UGT1A8: variants seen among roughly 807,000 people sequenced by gnomAD.
UGT1A8 encodes UDP-glucuronosyltransferase 1A8.
UGT1A8 carries 39 observed loss-of-function variants against 45.3 expected under a neutral mutation model. The observed-to-expected ratio is 0.86, with a 90% CI of 0.67 to 1.12. The LOEUF (loss-of-function observed/expected upper bound fraction) is 1.12. Among genes scored for constraint, UGT1A8 ranks in the 50% most tolerant of loss-of-function variants. UGT1A8 has a pLI of 0.00. For synonymous variants in UGT1A8, 275 were observed against 249.2 expected (o/e 1.10, Z -0.97); for missense variants, 719 against 664.9 (o/e 1.08, Z -0.90).
chr2:233,690,590 A>G (rs1355612466), intron 1 of UGT1A8: 10 of 1,004,022 alleles, frequency 1.0e-5, no homozygotes, highest in East Asian at 7.1e-5. Flanking sequence ...ATCCCTGAGA[A>G]AAAAAAAAAA....
chr2:233,636,804 C>G, intron 1 of UGT1A8: 1 of 1,614,148 alleles, frequency 6.2e-7, no homozygotes, highest in Non-Finnish European at 8.5e-7. Flanking sequence ...TGGTTTTCGC[C>G]CATGCTCAAT....
chr2:233,729,976 A>T (rs201645683), intron 1 of UGT1A8: 1 of 1,614,046 alleles, frequency 6.2e-7, no homozygotes, highest in South Asian at 1.1e-5. Context: ...CTGTGCCAAC[A>T]GGAAGCCACT....
intron 1 of UGT1A8, among the ~76,000 whole-genome samples, chr2:233,662,138 C>G (rs1431175822): frequency 2.0e-5 from 3 of 152,128 alleles, no homozygotes; most frequent in South Asian, 4.1e-4. Flanking sequence ...TTACTTTTCT[C>G]TTGACTACAA....
chr2:233,632,399 GCATT>G (rs1439558028), intron 1 of UGT1A8, among the ~76,000 whole-genome samples: 2 of 152,128 alleles, frequency 1.3e-5, no homozygotes, highest in Admixed American at 6.6e-5. Context: ...GATGTGGATA[GCATT>G]CAATCTATAA....
intron 1 of UGT1A8, among the ~76,000 whole-genome samples, chr2:233,711,768 A>T (rs138965845): frequency 6.6e-6 from 1 of 152,336 alleles, no homozygotes; most frequent in Non-Finnish European, 1.5e-5. Context: ...AGAGGAAGTG[A>T]GATAGAAAGT....
At position 233,684,025 on chromosome 2, in the gene UGT1A8, T is replaced by C. The variant is rs28898569; in HGVS notation, c.855+65463T>C. On this transcript the variant is annotated intron_variant, in intron 1 of 4. Coordinates refer to ENST00000373450, the MANE Select transcript of UGT1A8 (RefSeq NM_019076.5). Reference sequence around the variant, plus strand: ...AAGAGTAAGATTCTTGGCAAATGCATAGTTGCTAAATCCAGGTGAAACACC... The same window carrying C: ...AAGAGTAAGATTCTTGGCAAATGCACAGTTGCTAAATCCAGGTGAAACACC... Among the ~76,000 whole-genome samples the C allele has an allele frequency of 3.7e-3, 565 of 152,300 alleles. 7 individuals carry two copies. The highest frequency in any genetic ancestry group is 0.013 in the African/African-American group (541 of 41,568).
chr2:233,737,046 A>C (rs1237112865), intron 1 of UGT1A8, among the ~76,000 whole-genome samples: 1 of 152,204 alleles, frequency 6.6e-6, no homozygotes, highest in Non-Finnish European at 1.5e-5. Context: ...CAAATGCCAT[A>C]CTAGGAGAAC....
chr2:233,704,405 A>G (rs761303272), intron 1 of UGT1A8, among the ~76,000 whole-genome samples: 1 of 152,010 alleles, frequency 6.6e-6, no homozygotes, highest in Non-Finnish European at 1.5e-5. Context: ...TATCTACTTC[A>G]GATTTATACC....
chr2:233,768,630 A>T (rs1213250960), intron 4 of UGT1A8, among the ~76,000 whole-genome samples, 191 bp downstream of exon 4: 3 of 121,000 alleles, frequency 2.5e-5, no homozygotes, highest in African/African-American at 9.7e-5. Flanking sequence ...TCTGTCACCT[A>T]GGCTGGAGTG....
At chr2:233,758,569 A>C (rs1696913404) in intron 1 of UGT1A8, among the ~76,000 whole-genome samples, 2 of 152,222 alleles carry the variant, frequency 1.3e-5, no homozygotes, top group Non-Finnish European at 2.9e-5. Context: ...TGGTCCTAAA[A>C]AATGAAGAGT....
At chr2:233,643,706 G>A (rs558882956) in intron 1 of UGT1A8, among the ~76,000 whole-genome samples, 36 of 152,258 alleles carry the variant, frequency 2.4e-4, no homozygotes, top group African/African-American at 7.0e-4. Context: ...GGCCCTTGAC[G>A]TAGTACGAGG....
intron 1 of UGT1A8, chr2:233,713,522 A>G (rs1180807745): frequency 1.2e-6 from 2 of 1,613,850 alleles, no homozygotes; most frequent in Non-Finnish European, 1.7e-6. Flanking sequence ...GGAACATTCC[A>G]TGTGATTTAG....
Position 233,660,235 on chromosome 2 carries a change from G to A in UGT1A8, c.855+41673G>A, listed in dbSNP as rs369924846. On this transcript the variant is annotated intron_variant, in intron 1 of 4. Transcript: ENST00000373450. ...ATCCTTCTAGATTTTCATGATGTTC[G>A]CCCCGCTGACATTCTCTTCCATAGT... Among the ~76,000 whole-genome samples the A allele has an allele frequency of 5.3e-5, 8 of 152,212 alleles. No individual in the cohort carries two copies. The East Asian group carries it at 9.6e-4, about 18-fold the overall frequency.
chr2:233,633,743 T>A (rs1431122221), intron 1 of UGT1A8, among the ~76,000 whole-genome samples: 1 of 152,170 alleles, frequency 6.6e-6, no homozygotes, highest in African/African-American at 2.4e-5. Context: ...ATTTTGTTAA[T>A]CTTTTCAAAA....
chr2:233,618,361 AT>A lies in UGT1A8; in HGVS notation c.658del (p.Cys220AlafsTer9). The A allele has an allele frequency of 6.2e-7, 1 of 1,613,904 alleles. No homozygotes were observed. The highest frequency in any genetic ancestry group is 8.5e-7 in the Non-Finnish European group (1 of 1,179,846). ...ACATCATGCACTTGGAGGAACATTT[AT>A]TTTGCCAGTATTTTTCCAAAAATGC... is the stretch of plus-strand genomic sequence containing the variant. The part of the protein sequence containing the change: ...NHIMHLEEHL[F>X]CQYFSKNALE... On this transcript the variant is annotated frameshift_variant, in exon 1 of 5. Transcript: ENST00000373450. LOFTEE classifies it high-confidence loss of function.
At chr2:233,762,567 G>A (rs1279617671) in intron 1 of UGT1A8, among the ~76,000 whole-genome samples, 2 of 152,176 alleles carry the variant, frequency 1.3e-5, no homozygotes, top group Non-Finnish European at 2.9e-5. Flanking sequence ...ATCTAGTCTA[G>A]TTCCCCACAG....
intron 1 of UGT1A8, chr2:233,718,616 C>T (rs573810131): frequency 3.5e-5 from 30 of 858,718 alleles, no homozygotes; most frequent in Admixed American, 3.1e-4. Context: ...TCAAGATAGG[C>T]GTGATTGGTC....
intron 1 of UGT1A8, among the ~76,000 whole-genome samples, chr2:233,662,397 A>G (rs565260351): frequency 6.6e-6 from 1 of 152,306 alleles, no homozygotes; most frequent in Admixed American, 6.5e-5. Context: ...ATTTATTGCA[A>G]CAAATCTGCC....
intron 1 of UGT1A8, among the ~76,000 whole-genome samples, chr2:233,657,055 C>T (rs2073870971): frequency 6.6e-6 from 1 of 152,116 alleles, no homozygotes; most frequent in Admixed American, 6.6e-5. Flanking sequence ...CTTCCCCTCA[C>T]CAGCTTCTTT....
Sources: gnomAD v4.1 joint callset for allele counts (sites outside exome capture counted in the v4.1 genomes callset) on GRCh38, gnomAD v4.1.1 for gene constraint, MANE v1.5 for transcripts, NCBI Gene and HGNC (gene_info 2026-07-23, HGNC 2026-07-21) for gene names.